STK32B: variants seen among roughly 807,000 people sequenced by gnomAD.
STK32B encodes serine/threonine kinase 32B, also known as serine/threonine-protein kinase 32B.
STK32B carries 43 observed loss-of-function variants against 52.6 expected under a neutral mutation model. The observed-to-expected ratio is 0.82, with a 90% confidence interval of 0.64 to 1.05. The LOEUF (loss-of-function observed/expected upper bound fraction) is 1.05, where lower values mean the gene tolerates loss of function less well. Among genes scored for constraint, STK32B ranks in the 50% least tolerant of loss-of-function variants. STK32B has a pLI of 0.00. For synonymous variants in STK32B, 238 were observed against 204.3 expected (o/e 1.17, Z -1.41); for missense variants, 621 against 534.6 (o/e 1.16, Z -1.59).
intron 4 of STK32B, among the ~76,000 whole-genome samples, chr4:5,391,464 A>C (rs1333720083): frequency 6.6e-6 from 1 of 152,214 alleles, no homozygotes; most frequent in Non-Finnish European, 1.5e-5. Context: ...ATTCTTAGGT[A>C]CCTGGGTAGA....
chr4:5,333,633 C>A (rs1304397146), intron 4 of STK32B, among the ~76,000 whole-genome samples: 1 of 152,090 alleles, frequency 6.6e-6, no homozygotes, highest in Non-Finnish European at 1.5e-5. Flanking sequence ...GACTTTAATC[C>A]TTTTTGAATT....
chr4:5,457,875 G>A (rs1349843905), intron 8 of STK32B, among the ~76,000 whole-genome samples: 2 of 145,962 alleles, frequency 1.4e-5, no homozygotes, highest in Non-Finnish European at 3.0e-5. Flanking sequence ...TCTGAAAGAA[G>A]CGAGGCGAGG....
At chr4:5,195,282 GAAGT>G (rs1293792391) in intron 3 of STK32B, among the ~76,000 whole-genome samples, 22 of 152,156 alleles carry the variant, frequency 1.4e-4, no homozygotes, top group Admixed American at 1.4e-3. Context: ...TGCTCACATA[GAAGT>G]AAGGAAATGA....
intron 2 of STK32B, among the ~76,000 whole-genome samples, chr4:5,165,046 C>A (rs1718764929): frequency 6.6e-6 from 1 of 152,178 alleles, no homozygotes; most frequent in Non-Finnish European, 1.5e-5. Flanking sequence ...TTTCCTGACT[C>A]CTGGTGTAGC....
At chr4:5,260,573 G>T (rs1316126453) in intron 3 of STK32B, among the ~76,000 whole-genome samples, 3 of 152,164 alleles carry the variant, frequency 2.0e-5, no homozygotes, top group Non-Finnish European at 4.4e-5. Context: ...AGTACACTAG[G>T]CTACTAACTT....
intron 6 of STK32B, among the ~76,000 whole-genome samples, chr4:5,444,249 C>A (rs11728356): frequency 0.12 from 18,339 of 152,184 alleles, 1,591 homozygotes; most frequent in East Asian, 0.46. Flanking sequence ...TAGCAATCAG[C>A]GAGACTCCGT....
intron 1 of STK32B, among the ~76,000 whole-genome samples, chr4:5,102,531 TA>T (rs1220290229): frequency 6.4e-5 from 9 of 139,692 alleles, no homozygotes; most frequent in African/African-American, 1.6e-4. Flanking sequence ...TTTCTTTCTT[TA>T]CTTTCTTTCT....
At chr4:5,152,783 T>C (rs1271433023) in intron 2 of STK32B, among the ~76,000 whole-genome samples, 2 of 152,250 alleles carry the variant, frequency 1.3e-5, no homozygotes, top group Admixed American at 6.5e-5. Flanking sequence ...GAGAGGGACC[T>C]GGGTGGACAC....
the STK32B span, among the ~76,000 whole-genome samples, chr4:5,029,868 AG>A: frequency 6.6e-6 from 1 of 152,234 alleles, no homozygotes; most frequent in African/African-American, 2.4e-5. Context: ...CCACGTGTCA[AG>A]GAAGAGACCA....
At chr4:5,105,416 CTT>C (rs1319409320) in intron 1 of STK32B, among the ~76,000 whole-genome samples, 1 of 152,136 alleles carries the variant, frequency 6.6e-6, no homozygotes, top group Non-Finnish European at 1.5e-5. Flanking sequence ...TATTTAGTCT[CTT>C]TTCTAATTTT....
At chr4:5,338,411 A>T (rs569116303) in intron 4 of STK32B, among the ~76,000 whole-genome samples, 8 of 152,330 alleles carry the variant, frequency 5.3e-5, no homozygotes, top group Admixed American at 3.9e-4. Flanking sequence ...AGAAGGTCAC[A>T]CCAGGGTAGA....
chr4:5,288,308 G>C (rs1338583893), intron 3 of STK32B, among the ~76,000 whole-genome samples: 2 of 152,138 alleles, frequency 1.3e-5, no homozygotes, highest in Non-Finnish European at 2.9e-5. Context: ...ATGAAGAATT[G>C]CCAGACTTTT....
intron 11 of STK32B, among the ~76,000 whole-genome samples, chr4:5,480,604 T>C (rs1374908745): frequency 6.6e-6 from 1 of 152,184 alleles, no homozygotes; most frequent in Admixed American, 6.5e-5. Flanking sequence ...CATTATACTT[T>C]AAGTTTTAGG....
At chr4:5,476,546 A>G (rs1718257525) in intron 11 of STK32B, among the ~76,000 whole-genome samples, 1 of 151,894 alleles carries the variant, frequency 6.6e-6, no homozygotes, top group Admixed American at 6.6e-5. Context: ...TCTAGCTATC[A>G]CACACCCTGG....
rs554121302 is a variant in STK32B at position 5,284,548 on chromosome 4, A to G, written c.261-46672A>G. On this transcript the variant is annotated intron_variant, in intron 3 of 11. Transcript: ENST00000282908. ...AAAGTTAAAATGTATTAAAGCTTAC[A>G]CACAAACCCTTACAGACCGTACACG... Among the ~76,000 whole-genome samples the G allele has an allele frequency of 6.6e-5, 10 of 152,324 alleles. No individual in the cohort carries two copies. In the East Asian group the frequency reaches 1.7e-3, roughly 26 times the overall value.
intron 3 of STK32B, among the ~76,000 whole-genome samples, chr4:5,270,738 G>C (rs1297219277): frequency 2.6e-5 from 4 of 152,170 alleles, no homozygotes; most frequent in Admixed American, 1.3e-4. Flanking sequence ...AAAGCATTAA[G>C]ATGGGAAAGG....
chr4:5,445,209 A>C (rs1164718133), intron 6 of STK32B, among the ~76,000 whole-genome samples: 1 of 152,154 alleles, frequency 6.6e-6, no homozygotes, highest in Non-Finnish European at 1.5e-5. Context: ...GAATATCGCC[A>C]GGGGGCAGCT....
At chr4:5,451,830 T>C (rs1035056651) in intron 7 of STK32B, among the ~76,000 whole-genome samples, 14 of 152,110 alleles carry the variant, frequency 9.2e-5, no homozygotes, top group Non-Finnish European at 8.8e-5. Context: ...ACCACTGCCA[T>C]AGAACAACCA....
intron 4 of STK32B, among the ~76,000 whole-genome samples, chr4:5,334,077 A>G (rs888114552): frequency 3.9e-5 from 6 of 152,098 alleles, no homozygotes; most frequent in South Asian, 4.1e-4. Context: ...CAGTATGGCC[A>G]TTTTCACGAT....
Sources: gnomAD v4.1 joint callset for allele counts (sites outside exome capture counted in the v4.1 genomes callset) on GRCh38, gnomAD v4.1.1 for gene constraint, MANE v1.5 for transcripts, NCBI Gene and HGNC (gene_info 2026-07-23, HGNC 2026-07-21) for gene names.